The following OR14I1 variants were observed in gnomAD, a reference collection of about 807,000 sequenced individuals.
The protein encoded by OR14I1 is olfactory receptor family 14 subfamily I member 1, also known as olfactory receptor 14I1.
For missense variants in OR14I1, 279 were observed against 181.8 expected (o/e 1.53, Z -3.07); for synonymous variants, 118 against 71.1 (o/e 1.66, Z -3.32).
chr1:248,690,445 A>G, the OR14I1 span, among the ~76,000 whole-genome samples: 7 of 152,094 alleles, frequency 4.6e-5, no homozygotes, highest in Non-Finnish European at 8.8e-5. Flanking sequence ...AGAATACTAT[A>G]AACATCTCTA....
chr1:248,692,436 G>A, the OR14I1 span, among the ~76,000 whole-genome samples: 819 of 152,178 alleles, frequency 5.4e-3, 8 homozygotes, highest in South Asian at 0.025. Flanking sequence ...CTGCGTTTCC[G>A]CATTCCCACA....
downstream of OR14I1, among the ~76,000 whole-genome samples, chr1:248,680,729 C>G (rs1661544874): frequency 6.6e-6 from 1 of 152,130 alleles, no homozygotes; most frequent in Non-Finnish European, 1.5e-5. Flanking sequence ...CCGTTTCTAT[C>G]AACACATTGA....
At chr1:248,679,688 T>C (rs1661527000), downstream of OR14I1, among the ~76,000 whole-genome samples, 1 of 152,164 alleles carries the variant, frequency 6.6e-6, no homozygotes, top group African/African-American at 2.4e-5. Flanking sequence ...TTATCAGGTA[T>C]AGCTGGTCCT....
the OR14I1 span, among the ~76,000 whole-genome samples, chr1:248,698,486 C>G: frequency 6.6e-6 from 1 of 152,188 alleles, no homozygotes; most frequent in African/African-American, 2.4e-5. Context: ...ATACCCCCTC[C>G]CCTGAGTATC....
downstream of OR14I1, chr1:248,681,286 T>C (rs1661556478): frequency 1.2e-5 from 7 of 586,782 alleles, no homozygotes; most frequent in Admixed American, 9.3e-5. Flanking sequence ...TCATCAACAA[T>C]TTTTTCATCT....
downstream of OR14I1, among the ~76,000 whole-genome samples, chr1:248,678,844 C>T (rs1311818593): frequency 6.8e-6 from 1 of 146,814 alleles, no homozygotes; most frequent in Non-Finnish European, 1.5e-5. Flanking sequence ...TTTTTGGAGG[C>T]TGAAAAAAAA....
the OR14I1 span, among the ~76,000 whole-genome samples, chr1:248,695,700 C>T: frequency 5.9e-5 from 9 of 152,106 alleles, no homozygotes; most frequent in Non-Finnish European, 1.3e-4. Context: ...CACCCAGCTC[C>T]CAGGCCTCAG....
chr1:248,693,052 C>T, the OR14I1 span, among the ~76,000 whole-genome samples: 4 of 152,204 alleles, frequency 2.6e-5, no homozygotes, highest in East Asian at 7.7e-4. Flanking sequence ...CAGCCTCTAA[C>T]TCTCCCTGGT....
chr1:248,681,679 A>G, exon 1 of OR14I1: 1 of 781,052 alleles, frequency 1.3e-6, no homozygotes. Flanking sequence ...CATGAGAATA[A>G]AGCATCCCAG....
downstream of OR14I1, among the ~76,000 whole-genome samples, chr1:248,680,215 G>T (rs1661534444): frequency 6.6e-6 from 1 of 152,162 alleles, no homozygotes; most frequent in Admixed American, 6.5e-5. Flanking sequence ...AGTTAAAAAT[G>T]AGAAAAAATA....
chr1:248,699,328 A>G, the OR14I1 span, among the ~76,000 whole-genome samples: 1 of 152,210 alleles, frequency 6.6e-6, no homozygotes, highest in Non-Finnish European at 1.5e-5. Context: ...AGAAGAACAT[A>G]AAAGAGCAGA....
chr1:248,701,319 T>C, the OR14I1 span, among the ~76,000 whole-genome samples: 1 of 152,056 alleles, frequency 6.6e-6, no homozygotes, highest in Non-Finnish European at 1.5e-5. Flanking sequence ...ATCCGGCTAA[T>C]TTTTGTATTT....
At chr1:248,687,110 A>T (rs1313513050), upstream of OR14I1, among the ~76,000 whole-genome samples, 1 of 152,222 alleles carries the variant, frequency 6.6e-6, no homozygotes, top group Non-Finnish European at 1.5e-5. Context: ...CTGAACTCAG[A>T]GTCCGTGAGG....
At chr1:248,678,427 C>G (rs140686068), downstream of OR14I1, among the ~76,000 whole-genome samples, 99 of 152,312 alleles carry the variant, frequency 6.5e-4, no homozygotes, top group African/African-American at 2.3e-3. Context: ...AATGTTTTCT[C>G]TGGCAACACT....
downstream of OR14I1, among the ~76,000 whole-genome samples, chr1:248,679,602 C>T (rs1419517019): frequency 6.6e-6 from 1 of 152,120 alleles, no homozygotes; most frequent in Non-Finnish European, 1.5e-5. Context: ...TTAAAATAGT[C>T]CTTGACCTCA....
At chr1:248,689,285 A>G in the OR14I1 span, among the ~76,000 whole-genome samples, 5 of 152,206 alleles carry the variant, frequency 3.3e-5, no homozygotes, top group Non-Finnish European at 5.9e-5. Context: ...TTCTGGGTCC[A>G]TGGTTCTTAT....
rs759270059 is a variant in OR14I1 at position 248,681,999 on chromosome 1, G to GA, written c.305dup (p.Ser103LeufsTer7). 65 of 780,860 alleles carry GA rather than the reference G, an allele frequency of 8.3e-5. No individual in the cohort carries two copies. The Admixed American group carries it at 1.1e-3, about 13-fold the overall frequency. The allele number at this position is 780,860 out of a possible 1,614,324, so 48.4% of individuals were successfully genotyped here. A position where few individuals can be genotyped will look rare whatever the true frequency, so the allele number is the denominator to read the frequency against. ...CCAGCTCAGCAGATGCAAAGGCAGA[G>GA]AAAAAATAGACTTGAGCCACACAGC... On this transcript the variant is annotated frameshift_variant, in exon 1 of 1. Coordinates refer to ENST00000342623, the Ensembl canonical transcript of OR14I1. LOFTEE classifies it low-confidence loss of function (END_TRUNC).
chr1:248,694,057 G>A, the OR14I1 span, among the ~76,000 whole-genome samples: 1 of 152,186 alleles, frequency 6.6e-6, no homozygotes, highest in Admixed American at 6.5e-5. Flanking sequence ...CAGGGCCCCA[G>A]CCAGGCACTG....
chr1:248,680,967 CGTGTGTGTGTGTGT>C (rs34495040), downstream of OR14I1, among the ~76,000 whole-genome samples: 489 of 147,220 alleles, frequency 3.3e-3, no homozygotes, highest in Non-Finnish European at 5.7e-3. Flanking sequence ...AAACTGTGTG[CGTGTGTGTGTGTGT>C]GTGTGTGTGT....
Sources: allele counts gnomAD v4.1 joint callset (sites outside exome capture counted in the v4.1 genomes callset), GRCh38; gene constraint gnomAD v4.1.1; transcripts MANE v1.5; gene names NCBI Gene and HGNC (gene_info 2026-07-23, HGNC 2026-07-21).